Variants in PTPRG observed in about 807,000 individuals in gnomAD.
PTPRG encodes the protein receptor-type tyrosine-protein phosphatase gamma.
PTPRG carries 102 observed loss-of-function variants against 165.3 expected under a neutral mutation model. The ratio of observed to expected loss-of-function variants is 0.62; its 90% CI spans 0.53 to 0.73. The LOEUF (loss-of-function observed/expected upper bound fraction) is 0.73. PTPRG is among the 30% of genes least tolerant of loss of function. The probability of loss-of-function intolerance (pLI) is 0.00; values close to 1 mark genes in which losing one functional copy is unlikely to be tolerated. For missense variants in PTPRG, 1,866 were observed against 1,861.4 expected (o/e 1.00, Z -0.05); for synonymous variants, 675 against 669.5 (o/e 1.01, Z -0.13).
intron 1 of PTPRG, among the ~76,000 whole-genome samples, chr3:61,627,093 T>C (rs1428040489): frequency 1.4e-5 from 1 of 69,570 alleles, no homozygotes; most frequent in African/African-American, 6.6e-5. Flanking sequence ...CAAATCAATG[T>C]TAAAAGCAAA....
chr3:62,268,863 C>T (rs574496426), intron 19 of PTPRG, among the ~76,000 whole-genome samples, 172 bp from the exon 20 acceptor site: 21 of 152,326 alleles, frequency 1.4e-4, no homozygotes, highest in African/African-American at 4.6e-4. Flanking sequence ...CCCAAGCCAT[C>T]AGCCTTGTCA....
intron 1 of PTPRG, among the ~76,000 whole-genome samples, chr3:61,712,460 G>A (rs934707290): frequency 1.3e-5 from 2 of 152,008 alleles, no homozygotes; most frequent in Non-Finnish European, 2.9e-5. Flanking sequence ...TAATTCCCAT[G>A]TGTCGAAGGA....
At chr3:61,824,753 T>C (rs537266474) in intron 2 of PTPRG, among the ~76,000 whole-genome samples, 3 of 152,294 alleles carry the variant, frequency 2.0e-5, no homozygotes, top group South Asian at 2.1e-4. Flanking sequence ...ACCTTGCCAT[T>C]GTACTTCAGC....
chr3:61,995,153 A>G (rs1203546913), intron 3 of PTPRG, among the ~76,000 whole-genome samples: 2 of 130,860 alleles, frequency 1.5e-5, no homozygotes, highest in Non-Finnish European at 3.1e-5. Flanking sequence ...CAATGTCACC[A>G]TCTTGGTTCA....
At chr3:62,011,993 A>G (rs2041434237) in intron 4 of PTPRG, among the ~76,000 whole-genome samples, 1 of 152,218 alleles carries the variant, frequency 6.6e-6, no homozygotes, top group Non-Finnish European at 1.5e-5. Flanking sequence ...CTCTCAGTGT[A>G]GAAACTTGGT....
chr3:61,802,134 A>T (rs2035268116), intron 2 of PTPRG, among the ~76,000 whole-genome samples: 1 of 152,082 alleles, frequency 6.6e-6, no homozygotes, highest in African/African-American at 2.4e-5. Flanking sequence ...GCTGCACCCT[A>T]CCCTACAGTC....
chr3:62,286,458 TAAGTAAATATATGAAA>T (rs1702664414), intron 28 of PTPRG, among the ~76,000 whole-genome samples: 1 of 152,060 alleles, frequency 6.6e-6, no homozygotes, highest in African/African-American at 2.4e-5. Context: ...GCTACAATAA[TAAGTAAATATATGAAA>T]TAGTGAAAAT....
chr3:62,191,210 C>A (rs1699807262), intron 8 of PTPRG, among the ~76,000 whole-genome samples: 1 of 149,610 alleles, frequency 6.7e-6, no homozygotes. Flanking sequence ...CATTTGTGTC[C>A]CGTGCACGTG....
chr3:61,968,613 C>G (rs1240985003), intron 2 of PTPRG, among the ~76,000 whole-genome samples: 2 of 152,154 alleles, frequency 1.3e-5, no homozygotes, highest in African/African-American at 4.8e-5. Context: ...CCACTGGTAG[C>G]TTTTTATAGA....
intron 2 of PTPRG, among the ~76,000 whole-genome samples, chr3:61,845,133 C>G (rs1038567005): frequency 1.3e-5 from 2 of 152,188 alleles, no homozygotes; most frequent in Admixed American, 1.3e-4. Context: ...CTACCTTAAG[C>G]ATTTTATGAG....
intron 2 of PTPRG, among the ~76,000 whole-genome samples, chr3:61,908,243 C>T (rs1022339479): frequency 6.7e-6 from 1 of 149,932 alleles, no homozygotes; most frequent in African/African-American, 2.5e-5. Flanking sequence ...CTGGCCAACA[C>T]GGTGAAACCC....
At chr3:62,161,651 T>A (rs961355545) in intron 7 of PTPRG, among the ~76,000 whole-genome samples, 5 of 152,214 alleles carry the variant, frequency 3.3e-5, no homozygotes, top group African/African-American at 9.6e-5. Context: ...TATGGTTAAG[T>A]CCTTTTCCTT....
chr3:62,211,972 T>C (rs1329748254), intron 12 of PTPRG, among the ~76,000 whole-genome samples: 1 of 151,580 alleles, frequency 6.6e-6, no homozygotes, highest in Non-Finnish European at 1.5e-5. Flanking sequence ...TTTTTTTTAA[T>C]TTTTTTTTAA....
intron 1 of PTPRG, among the ~76,000 whole-genome samples, chr3:61,708,094 T>TG (rs2031353360): frequency 6.6e-6 from 1 of 152,058 alleles, no homozygotes; most frequent in Non-Finnish European, 1.5e-5. Flanking sequence ...CAGTAGTTTT[T>TG]TTTTTATTTT....
chr3:62,134,600 C>T (rs1703637536), intron 6 of PTPRG, among the ~76,000 whole-genome samples: 1 of 152,196 alleles, frequency 6.6e-6, no homozygotes, highest in South Asian at 2.1e-4. Context: ...AATTATTCAT[C>T]CCACCCTACT....
Position 61,895,063 on chromosome 3 carries a change from C to T in PTPRG, c.191-94562C>T, listed in dbSNP as rs142479745. 5.0e-4 allele frequency among the ~76,000 whole-genome samples: 76 copies of T among 152,242 alleles called. 1 individual carries two copies. In the East Asian group the frequency reaches 7.0e-3, roughly 14 times the overall value. The stretch of plus-strand genomic sequence containing the variant: ...TCTCCAGATGGACGTCGTTAAACAT[C>T]CCCTAGGGGCAGAATGGATCCCTGA... On this transcript the variant is annotated intron_variant, in intron 2 of 29. Transcript: ENST00000474889.
chr3:62,168,030 G>C lies in PTPRG; in HGVS notation c.900G>C (p.Glu300Asp). 4 of 1,613,848 alleles carry C rather than the reference G, an allele frequency of 2.5e-6. No homozygotes were observed. Among genetic ancestry groups the C allele is most frequent in the Non-Finnish European group, 3.4e-6 (4 of 1,179,922 alleles). Residue 300 changes from glutamate to aspartate, a missense_variant, in exon 8 of 30, where the codon GAG (glutamate) becomes GAC (aspartate). Physicochemically the swap from Glu to Asp is conservative, Grantham distance 45 (BLOSUM62 2). Around this residue, in one of 3 missense-constraint regions of PTPRG, gnomAD observed 6 missense variants for 22.3 expected, o/e 0.27. Coordinates refer to ENST00000474889, the MANE Select transcript of PTPRG (RefSeq NM_002841.4). The part of the protein sequence containing the change: ...TEQQDHVKSV[E>D]YLRNNFRPQQ... Reference sequence around the variant, plus strand: ...AGCAAGACCATGTCAAGTCGGTGGAGTATCTGAGAAATAACTTTCGACCAC... The same window carrying C: ...AGCAAGACCATGTCAAGTCGGTGGACTATCTGAGAAATAACTTTCGACCAC...
chr3:61,768,899 TGTG>T (rs2034119966), intron 2 of PTPRG, among the ~76,000 whole-genome samples: 1 of 152,122 alleles, frequency 6.6e-6, no homozygotes, highest in Non-Finnish European at 1.5e-5. Context: ...TGTTGTGAGG[TGTG>T]GTCACAGGGA....
At position 62,296,826 on chromosome 3, in the gene PTPRG, TTTTA is replaced by T. The variant is rs1294495532; in HGVS notation, c.*3520_*3523del. On this transcript the variant is annotated 3_prime_UTR_variant, in exon 30 of 30. Coordinates refer to ENST00000474889, the MANE Select transcript of PTPRG (RefSeq NM_002841.4). The stretch of plus-strand genomic sequence containing the variant: ...TACTTTGTCTTAGCTGTTAAACTGT[TTTTA>T]GTATTTTTGTTAAATATTTGCAAAG... 2 of 152,082 alleles carry T rather than the reference TTTTA, an allele frequency of 1.3e-5. No individual in the cohort carries two copies. The highest frequency in any genetic ancestry group is 4.8e-5 in the African/African-American group (2 of 41,454). The allele number at this position is 152,082 out of a possible 1,614,324, so 9.4% of individuals were successfully genotyped here.
Sources: allele counts gnomAD v4.1 joint callset (sites outside exome capture counted in the v4.1 genomes callset), GRCh38; gene constraint gnomAD v4.1.1; regional missense constraint gnomAD v4.1.1; transcripts MANE v1.5; gene names NCBI Gene and HGNC (gene_info 2026-07-23, HGNC 2026-07-21).